Variants in C7 observed in about 807,000 individuals in gnomAD.
C7 encodes the protein complement C7.
C7 carries 83 observed loss-of-function variants against 104.8 expected under a neutral mutation model. The observed-to-expected ratio is 0.79, with a 90% CI of 0.66 to 0.95. The LOEUF (loss-of-function observed/expected upper bound fraction) is 0.95. Ranked by LOEUF, C7 falls within the 40% of genes least tolerant of loss-of-function variation. The pLI, the probability that C7 is intolerant of heterozygous loss-of-function variation, is 0.00. For missense variants in C7, 1,070 were observed against 1,011.2 expected (o/e 1.06, Z -0.79); for synonymous variants, 415 against 360.6 (o/e 1.15, Z -1.71).
chr5:40,955,315 T>C, intron 9 of C7, 72 bp from the exon 10 acceptor site: 1 of 1,464,100 alleles, frequency 6.8e-7, no homozygotes, highest in East Asian at 2.3e-5. Flanking sequence ...TTTTCCAGGA[T>C]GTCATACAAT....
intron 15 of C7, among the ~76,000 whole-genome samples, chr5:40,973,115 G>A (rs1304097011): frequency 1.3e-5 from 2 of 152,090 alleles, no homozygotes; most frequent in Non-Finnish European, 2.9e-5. Context: ...TCATGAAATT[G>A]TTCTTAATGT....
chr5:40,936,825 A>G (rs1173089544), intron 5 of C7, among the ~76,000 whole-genome samples: 8 of 152,106 alleles, frequency 5.3e-5, no homozygotes, highest in Non-Finnish European at 4.4e-5. Context: ...TACTAATTCA[A>G]TAATGTGGGG....
chr5:40,918,884 T>A lies in C7; in HGVS notation c.6+9268T>A, dbSNP rs1739380785. On this transcript the variant is annotated intron_variant, in intron 1 of 17. Transcript: ENST00000313164. ...ATACGCCACTTTCAACAATGAAAGA[T>A]AATCCAGAAAATTAGTAAGAAAACA... 2.6e-5 allele frequency among the ~76,000 whole-genome samples: 4 copies of A among 151,578 alleles called. No individual in the cohort carries two copies. The East Asian group carries it at 7.8e-4, about 29-fold the overall frequency.
intron 1 of C7, among the ~76,000 whole-genome samples, chr5:40,919,403 GTGTGAGCCACCACAAC>G (rs1414090123): frequency 6.6e-6 from 1 of 152,098 alleles, no homozygotes; most frequent in African/African-American, 2.4e-5. Context: ...GGGATTACAG[GTGTGAGCCACCACAAC>G]TGGCCTCAAG....
At chr5:40,966,661 G>C (rs1239965549) in intron 14 of C7, among the ~76,000 whole-genome samples, 2 of 152,150 alleles carry the variant, frequency 1.3e-5, no homozygotes, top group Non-Finnish European at 2.9e-5. Flanking sequence ...ACAGGCATGA[G>C]CTACCATGCC....
At chr5:40,952,506 T>TTTATTTATTTA (rs1740193200) in intron 9 of C7, among the ~76,000 whole-genome samples, 2 of 98,964 alleles carry the variant, frequency 2.0e-5, no homozygotes, top group African/African-American at 7.0e-5. Flanking sequence ...TTATTTATTT[T>TTTATTTATTTA]TATTATACTT....
chr5:40,937,467 T>C (rs895822053), intron 5 of C7, 85 bp from the exon 6 acceptor site: 6 of 1,382,238 alleles, frequency 4.3e-6, no homozygotes, highest in East Asian at 2.3e-5. Flanking sequence ...TAGAGTTCTG[T>C]AATAAACTTT....
At chr5:40,972,350 A>C (rs1031568664) in intron 14 of C7, 53 bp from the exon 15 acceptor site, 1 of 1,480,350 alleles carries the variant, frequency 6.8e-7, no homozygotes, top group Non-Finnish European at 9.4e-7. Flanking sequence ...CTTTTTTAAA[A>C]AGATGGTTTA....
chr5:40,915,145 A>G (rs1183216382), intron 1 of C7, among the ~76,000 whole-genome samples: 1 of 152,234 alleles, frequency 6.6e-6, no homozygotes, highest in Admixed American at 6.5e-5. Context: ...GAAGACGTCC[A>G]AAGAACCACA....
chr5:40,962,099 AT>A lies in C7; in HGVS notation c.1678del (p.Cys560AlafsTer18). 6.5e-7 allele frequency: 1 copy of A among 1,546,666 alleles called. No individual in the cohort carries two copies. Among genetic ancestry groups the A allele is most frequent in the Non-Finnish European group, 8.8e-7 (1 of 1,139,062 alleles). ...TTTCCTTCCAGGTTGCTTGAACCACATTGCTTTCCTTTGTCTTTGGTTCCAA... is the reference window on the plus strand; with the variant it reads ...TTTCCTTCCAGGTTGCTTGAACCACATGCTTTCCTTTGTCTTTGGTTCCAA... ...ELEHLRLLEPHCFPLSLVPTE... is the reference protein window; with the variant it reads ...ELEHLRLLEPXCFPLSLVPTE... On this transcript the variant is annotated frameshift_variant, in exon 13 of 18. Transcript: ENST00000313164. LOFTEE classifies it high-confidence loss of function.
At position 40,931,083 on chromosome 5, in the gene C7, T is replaced by A; in HGVS notation, c.82T>A (p.Cys28Ser). 1 of 1,613,488 alleles carries A rather than the reference T, an allele frequency of 6.2e-7. No homozygotes were observed. Among genetic ancestry groups the A allele is most frequent in the Non-Finnish European group, 8.5e-7 (1 of 1,179,444 alleles). ...SFSSASSPVN[C>S]QWDFYAPWSE... The stretch of plus-strand genomic sequence containing the variant: ...TGGCAGTGCCTCCTCTCCAGTCAAC[T>A]GCCAGTGGGACTTCTATGCCCCTTG... The change falls in exon 3 of 18, where the codon TGC (cysteine) becomes AGC (serine). Residue 28 changes from cysteine (C) to serine (S), a missense_variant. Physicochemically the swap from Cys to Ser is moderately radical, Grantham distance 112. Coordinates refer to ENST00000313164, the MANE Select transcript of C7 (RefSeq NM_000587.4).
At chr5:40,956,537 C>T (rs1403499523) in intron 10 of C7, among the ~76,000 whole-genome samples, 2 of 152,198 alleles carry the variant, frequency 1.3e-5, no homozygotes, top group African/African-American at 4.8e-5. Context: ...CATAGTTGTA[C>T]ATAAGAAAAT....
chr5:40,968,307 GT>G (rs1359763127), intron 14 of C7, among the ~76,000 whole-genome samples: 1 of 151,330 alleles, frequency 6.6e-6, no homozygotes, highest in Non-Finnish European at 1.5e-5. Context: ...TGTATTTTTA[GT>G]AAAGATGAGG....
At chr5:40,942,772 T>C (rs1007277607) in intron 6 of C7, among the ~76,000 whole-genome samples, 8 of 150,976 alleles carry the variant, frequency 5.3e-5, no homozygotes, top group African/African-American at 1.2e-4. Flanking sequence ...TTCTTTCTTT[T>C]TTTTTTTTTT....
chr5:40,975,261 A>G (rs1470521454), intron 15 of C7, among the ~76,000 whole-genome samples: 1 of 152,004 alleles, frequency 6.6e-6, no homozygotes, highest in African/African-American at 2.4e-5. Context: ...TATACACTTT[A>G]TTCAAATACC....
At chr5:40,949,876 CAT>C in intron 8 of C7, 26 bp from the exon 9 acceptor site, 1 of 1,358,900 alleles carries the variant, frequency 7.4e-7, no homozygotes, top group Non-Finnish European at 1.0e-6. Context: ...AGAAATTAAA[CAT>C]GTCTCTTTTA....
rs1452872648 is a variant in C7 at position 40,983,317 on chromosome 5, G to A, written c.*1744G>A. On this transcript the variant is annotated 3_prime_UTR_variant, in exon 18 of 18. Transcript: ENST00000313164. ...TTCTCCTCTTAGCTTAAGCTAGTAT[G>A]GAGTTAGATTCCTACCGCTTATGTA... Among the ~76,000 whole-genome samples the A allele has an allele frequency of 6.6e-6, 1 of 152,200 alleles. No homozygotes were observed. The highest frequency in any genetic ancestry group is 6.5e-5 in the Admixed American group (1 of 15,280).
chr5:40,919,548 G>A (rs1299186324), intron 1 of C7, among the ~76,000 whole-genome samples: 1 of 152,068 alleles, frequency 6.6e-6, no homozygotes, highest in Non-Finnish European at 1.5e-5. Context: ...GATTGCTTAA[G>A]TCCAGGAGTT....
rs956393020 is a variant in C7 at position 40,982,631 on chromosome 5, T to A, written c.*1058T>A. 6.6e-6 allele frequency: 1 copy of A among 152,364 alleles called. No individual in the cohort carries two copies. Among genetic ancestry groups the A allele is most frequent in the African/African-American group, 2.4e-5 (1 of 41,470 alleles). 9.4% of individuals were successfully genotyped at this position (152,364 alleles called of 1,614,324 possible). A position where few individuals can be genotyped will look rare whatever the true frequency, so the allele number is the denominator to read the frequency against. On this transcript the variant is annotated 3_prime_UTR_variant, in exon 18 of 18. Coordinates refer to ENST00000313164, the MANE Select transcript of C7 (RefSeq NM_000587.4). ...TTTTTTCTTTTGAAAGAACATCAGT[T>A]CATGCCTGAGGCATGAGTGACTGTG...
Sources: allele counts gnomAD v4.1 joint callset (sites outside exome capture counted in the v4.1 genomes callset), GRCh38; gene constraint gnomAD v4.1.1; transcripts MANE v1.5; gene names NCBI Gene and HGNC (gene_info 2026-07-23, HGNC 2026-07-21).